Variants in MYBL1 observed in about 807,000 individuals in gnomAD.
MYBL1 encodes the protein myb-related protein A.
MYBL1 carries 17 observed loss-of-function variants against 96.3 expected under a neutral mutation model. The ratio of observed to expected loss-of-function variants is 0.18; its 90% confidence interval spans 0.12 to 0.26. The LOEUF (loss-of-function observed/expected upper bound fraction) is 0.26, where lower values mean the gene tolerates loss of function less well. Ranked by LOEUF, MYBL1 falls within the 10% of genes least tolerant of loss-of-function variation. MYBL1 has a pLI of 1.00. For missense variants in MYBL1, 701 were observed against 882.9 expected (o/e 0.79, Z 2.61); for synonymous variants, 282 against 292.7 (o/e 0.96, Z 0.37).
At chr8:66,575,887 C>A (rs1487616389) in intron 10 of MYBL1, 120 bp downstream of exon 10, 5 of 992,658 alleles carry the variant, frequency 5.0e-6, no homozygotes, top group Non-Finnish European at 7.3e-6. Flanking sequence ...CTCAAGTATA[C>A]ATTTAAACAC....
At chr8:66,572,084 G>T (rs1331893533) in intron 12 of MYBL1, among the ~76,000 whole-genome samples, 28 of 151,708 alleles carry the variant, frequency 1.8e-4, no homozygotes, top group Admixed American at 8.5e-4. Flanking sequence ...CGAGGTGGGG[G>T]GGAGGGGGGT....
intron 15 of MYBL1, 21 bp from the exon 16 acceptor site, chr8:66,564,846 G>A (rs1398908458): frequency 1.1e-5 from 16 of 1,515,418 alleles, no homozygotes; most frequent in African/African-American, 1.4e-5. Context: ...AATATTAATA[G>A]TGACATGAAA....
At chr8:66,568,321 C>T (rs1230893579) in intron 12 of MYBL1, among the ~76,000 whole-genome samples, 2 of 152,026 alleles carry the variant, frequency 1.3e-5, no homozygotes, top group Non-Finnish European at 2.9e-5. Flanking sequence ...CTCTGTCACC[C>T]AGGCTGGAGT....
At chr8:66,572,023 AT>A (rs1414036035) in intron 12 of MYBL1, among the ~76,000 whole-genome samples, 1 of 147,098 alleles carries the variant, frequency 6.8e-6, no homozygotes, top group African/African-American at 2.5e-5. Context: ...AAACTTGAAA[AT>A]TAGGCCAGGT....
intron 9 of MYBL1, among the ~76,000 whole-genome samples, chr8:66,577,197 T>A (rs1289366232): frequency 1.3e-5 from 2 of 150,852 alleles, no homozygotes; most frequent in African/African-American, 4.9e-5. Context: ...TCACCACTCC[T>A]ATTCAACATA....
In MYBL1 at chr8:66,576,323, G is replaced by A. The variant is rs1443025739; in HGVS notation, c.1154C>T (p.Ala385Val). 1 of 1,613,752 alleles carries A rather than the reference G, an allele frequency of 6.2e-7. No individual in the cohort carries two copies. Among genetic ancestry groups the A allele is most frequent in the South Asian group, 1.1e-5 (1 of 91,048 alleles). The change falls in exon 10 of 16, where the codon GCT (alanine) becomes GTT (valine). Residue 385 changes from alanine to valine, a missense_variant. Ala to Val is a moderately conservative substitution (Grantham distance 64). This residue lies in a region of MYBL1 where 396 missense variants were observed against 407.4 expected (regional missense o/e 0.97). Coordinates refer to ENST00000522677, the MANE Select transcript of MYBL1 (RefSeq NM_001080416.4). Reference protein sequence around the residue: ...VTSFDISDAAASPIKSTPVKL... With the variant: ...VTSFDISDAAVSPIKSTPVKL... The stretch of plus-strand genomic sequence containing the variant: ...AACTGGGGTGGATTTGATAGGAGAA[G>A]CAGCAGCATCAGAAATATCAAAACT...
intron 8 of MYBL1, among the ~76,000 whole-genome samples, chr8:66,583,451 G>C (rs1437271327): frequency 6.6e-6 from 1 of 152,004 alleles, no homozygotes; most frequent in African/African-American, 2.4e-5. Context: ...AAAGCTAGCA[G>C]AGGAAAATAA....
chr8:66,602,319 G>T, intron 2 of MYBL1, 99 bp downstream of exon 2: 1 of 706,252 alleles, frequency 1.4e-6, no homozygotes. Context: ...CCAAAGGGCT[G>T]GGATTACAGG....
intron 12 of MYBL1, among the ~76,000 whole-genome samples, chr8:66,570,312 CTTT>C (rs761701052): frequency 7.5e-6 from 1 of 133,672 alleles, no homozygotes; most frequent in Non-Finnish European, 1.6e-5. Context: ...TTGTTTTTGT[CTTT>C]TTTTTTTTTT....
intron 8 of MYBL1, among the ~76,000 whole-genome samples, chr8:66,590,044 A>G (rs1809576535): frequency 6.6e-6 from 1 of 152,098 alleles, no homozygotes; most frequent in Non-Finnish European, 1.5e-5. Flanking sequence ...ACTGCACTCC[A>G]GCCTAGGCAA....
At chr8:66,571,566 A>G (rs1051162153) in intron 12 of MYBL1, among the ~76,000 whole-genome samples, 1 of 152,216 alleles carries the variant, frequency 6.6e-6, no homozygotes, top group Non-Finnish European at 1.5e-5. Flanking sequence ...TGAAACTACT[A>G]AAATGTATAT....
In MYBL1 at chr8:66,593,166, T is replaced by A. The variant is rs777107036; in HGVS notation, c.716A>T (p.Glu239Val). 2.5e-6 allele frequency: 4 copies of A among 1,589,040 alleles called. No homozygotes were observed. The highest frequency in any genetic ancestry group is 3.4e-6 in the Non-Finnish European group (4 of 1,165,178). ...CTGAACATGTTCTATACAATTGCCT[T>A]CAGGTGACACATACTGATACCCAGG... ...QIPGYQYVSP[E>V]GNCIEHVQPT... Residue 239 changes from glutamate to valine, a missense_variant, in exon 7 of 16, where the codon GAA becomes GTA. Transcript: ENST00000522677.
intron 12 of MYBL1, among the ~76,000 whole-genome samples, chr8:66,570,490 C>G (rs7008740): frequency 0.13 from 20,240 of 151,938 alleles, 3,212 homozygotes; most frequent in African/African-American, 0.38. Flanking sequence ...CTTATATGTT[C>G]ACCAAATGAC....
At chr8:66,570,359 G>C (rs1280515601) in intron 12 of MYBL1, among the ~76,000 whole-genome samples, 2 of 150,612 alleles carry the variant, frequency 1.3e-5, no homozygotes, top group East Asian at 1.9e-4. Flanking sequence ...CTTTAGGCTG[G>C]AGTGCAGTGG....
chr8:66,572,517 C>G lies in MYBL1; in HGVS notation c.1693G>C (p.Ala565Pro), dbSNP rs777095803. ...TPTPFKNALA[A>P]QEKKYGPLKI... ...AGAGGTCCATATTTTTTCTCCTGAG[C>G]AGCAAGCGCATTCTTAAAAGGAGTA... Residue 565 changes from alanine to proline, a missense_variant, in exon 12 of 16, where the codon GCT becomes CCT. Ala to Pro is a conservative substitution (Grantham distance 27). Around this residue, in one of 5 missense-constraint regions of MYBL1, gnomAD observed 63 missense variants for 109.2 expected, o/e 0.58. Coordinates refer to ENST00000522677, the MANE Select transcript of MYBL1 (RefSeq NM_001080416.4). 1 of 1,600,686 alleles carries G rather than the reference C, an allele frequency of 6.2e-7. No individual in the cohort carries two copies. The highest frequency in any genetic ancestry group is 8.5e-7 in the Non-Finnish European group (1 of 1,171,124).
intron 8 of MYBL1, among the ~76,000 whole-genome samples, chr8:66,591,680 G>A (rs1184792240): frequency 4.0e-5 from 6 of 151,656 alleles, no homozygotes; most frequent in Non-Finnish European, 7.4e-5. Context: ...CTAGTAAATA[G>A]GAAAAAATTT....
chr8:66,596,595 G>GT (rs1178617724), intron 5 of MYBL1, among the ~76,000 whole-genome samples: 1 of 152,122 alleles, frequency 6.6e-6, no homozygotes. Flanking sequence ...AGATAGCAAT[G>GT]TTTGCTCAGT....
intron 8 of MYBL1, among the ~76,000 whole-genome samples, chr8:66,583,140 A>T (rs1809283871): frequency 6.6e-6 from 1 of 152,226 alleles, no homozygotes; most frequent in Non-Finnish European, 1.5e-5. Flanking sequence ...AGACATATCA[A>T]ATACCTTTTT....
chr8:66,569,880 T>C (rs1293990341), intron 12 of MYBL1, among the ~76,000 whole-genome samples: 4 of 152,212 alleles, frequency 2.6e-5, no homozygotes, highest in Non-Finnish European at 5.9e-5. Flanking sequence ...TTTTGAGTAA[T>C]TTATAGTAAA....
Sources: gnomAD v4.1 joint callset for allele counts (sites outside exome capture counted in the v4.1 genomes callset) on GRCh38, gnomAD v4.1.1 for gene constraint, gnomAD v4.1.1 regional missense constraint, MANE v1.5 for transcripts, NCBI Gene and HGNC (gene_info 2026-07-23, HGNC 2026-07-21) for gene names.